PLCXD3: variants seen among roughly 807,000 people sequenced by gnomAD.
PLCXD3 encodes phosphatidylinositol specific phospholipase C X domain containing 3.
PLCXD3 carries 19 observed loss-of-function variants against 25.5 expected under a neutral mutation model. That is an observed-to-expected ratio of 0.75 (90% CI 0.52 to 1.09). The LOEUF is 1.09. Among genes scored for constraint, PLCXD3 ranks in the 50% least tolerant of loss-of-function variants. The pLI is 0.00. For missense variants in PLCXD3, 411 were observed against 388.1 expected (o/e 1.06, Z -0.50); for synonymous variants, 174 against 137.6 (o/e 1.26, Z -1.85).
In PLCXD3 at chr5:41,313,397, G is replaced by T; in HGVS notation, c.*220C>A. 4.2e-6 allele frequency: 2 copies of T among 475,708 alleles called. No individual in the cohort carries two copies. Among genetic ancestry groups the T allele is most frequent in the Non-Finnish European group, 7.3e-6 (2 of 273,368 alleles). 29.5% of individuals were successfully genotyped at this position (475,708 alleles called of 1,614,324 possible). On this transcript the variant is annotated 3_prime_UTR_variant, in exon 3 of 3. Coordinates refer to ENST00000377801, the MANE Select transcript of PLCXD3 (RefSeq NM_001005473.3). ...TCTTTTTTTTTTATTCCTAACACTA[G>T]AAGTAGATTTTGCTCATCAAATGGG...
chr5:41,381,207 G>A (rs1745449925), intron 2 of PLCXD3, among the ~76,000 whole-genome samples: 1 of 152,080 alleles, frequency 6.6e-6, no homozygotes, highest in Non-Finnish European at 1.5e-5. Flanking sequence ...GGTAGAGAAA[G>A]GATATTGCAA....
At chr5:41,317,948 T>C (rs1264992792) in intron 2 of PLCXD3, among the ~76,000 whole-genome samples, 1 of 152,050 alleles carries the variant, frequency 6.6e-6, no homozygotes, top group Non-Finnish European at 1.5e-5. Context: ...AGGATGTTTA[T>C]TCAAAGAAAT....
At chr5:41,448,468 G>A (rs1400249828) in intron 1 of PLCXD3, among the ~76,000 whole-genome samples, 1 of 152,182 alleles carries the variant, frequency 6.6e-6, no homozygotes, top group African/African-American at 2.4e-5. Flanking sequence ...AAAATTGATA[G>A]AATTAGAGAG....
chr5:41,337,150 A>G (rs1231039378), intron 2 of PLCXD3, among the ~76,000 whole-genome samples: 1 of 152,134 alleles, frequency 6.6e-6, no homozygotes, highest in Non-Finnish European at 1.5e-5. Context: ...AATTGCATTT[A>G]TGCTTAGGCA....
chr5:41,475,683 G>A (rs1444526771), intron 1 of PLCXD3: 7 of 534,648 alleles, frequency 1.3e-5, no homozygotes, highest in South Asian at 4.2e-5. Context: ...TCTGCCACAA[G>A]TACTATTTGA....
At chr5:41,382,609 A>G (rs1745505928) in intron 1 of PLCXD3, 75 bp from the exon 2 acceptor site, 5 of 1,131,778 alleles carry the variant, frequency 4.4e-6, no homozygotes, top group Admixed American at 4.9e-5. Context: ...CTCTTGCAAT[A>G]TCCATACCTC....
chr5:41,454,177 G>A (rs1284390577), intron 1 of PLCXD3, among the ~76,000 whole-genome samples: 1 of 151,892 alleles, frequency 6.6e-6, no homozygotes, highest in Non-Finnish European at 1.5e-5. Context: ...TGGAAATAGG[G>A]TCTTTGCAGA....
chr5:41,314,161 A>G (rs1470721776), intron 2 of PLCXD3, among the ~76,000 whole-genome samples: 1 of 152,230 alleles, frequency 6.6e-6, no homozygotes, highest in Admixed American at 6.5e-5. Context: ...TTTATTATGA[A>G]CCCACTATTA....
intron 1 of PLCXD3, among the ~76,000 whole-genome samples, chr5:41,482,046 T>C (rs1219020966): frequency 6.6e-6 from 1 of 152,122 alleles, no homozygotes; most frequent in Non-Finnish European, 1.5e-5. Context: ...GATGTGAAAA[T>C]GAAAAGTGAA....
intron 2 of PLCXD3, among the ~76,000 whole-genome samples, chr5:41,317,154 T>C (rs1743324118): frequency 6.6e-6 from 1 of 152,128 alleles, no homozygotes; most frequent in South Asian, 2.1e-4. Context: ...GTTTAGGTGG[T>C]TCAAAATGGA....
At chr5:41,325,287 A>G (rs1743594895) in intron 2 of PLCXD3, among the ~76,000 whole-genome samples, 1 of 152,226 alleles carries the variant, frequency 6.6e-6, no homozygotes, top group Non-Finnish European at 1.5e-5. Flanking sequence ...ATATGATACC[A>G]GAGACAAAAC....
intron 1 of PLCXD3, among the ~76,000 whole-genome samples, chr5:41,418,158 A>G (rs892336567): frequency 7.9e-5 from 12 of 152,328 alleles, no homozygotes; most frequent in African/African-American, 2.9e-4. Flanking sequence ...AAGCCAATGC[A>G]GTGTGTGTGG....
intron 2 of PLCXD3, among the ~76,000 whole-genome samples, chr5:41,343,421 G>A (rs1054222161): frequency 6.6e-6 from 1 of 152,044 alleles, no homozygotes; most frequent in African/African-American, 2.4e-5. Flanking sequence ...CATATATTTG[G>A]TGAATATATT....
intron 1 of PLCXD3, among the ~76,000 whole-genome samples, chr5:41,412,216 A>G (rs1746568873): frequency 6.6e-6 from 1 of 152,158 alleles, no homozygotes; most frequent in Non-Finnish European, 1.5e-5. Context: ...AAAAAAATAT[A>G]TACCAAATGC....
At chr5:41,332,213 C>A (rs964975677) in intron 2 of PLCXD3, among the ~76,000 whole-genome samples, 1 of 152,012 alleles carries the variant, frequency 6.6e-6, no homozygotes, top group African/African-American at 2.4e-5. Context: ...GGGCTAATAA[C>A]CAGAATCTAC....
intron 1 of PLCXD3, among the ~76,000 whole-genome samples, chr5:41,471,614 G>A (rs1223874893): frequency 6.6e-6 from 1 of 152,102 alleles, no homozygotes. Context: ...ATGTTAATGA[G>A]CAATAAGAAA....
At chr5:41,456,456 A>T (rs1026573405) in intron 1 of PLCXD3, 1 of 617,714 alleles carries the variant, frequency 1.6e-6, no homozygotes. Context: ...TAAATTCAGG[A>T]TAGAAAAATA....
chr5:41,465,844 A>T (rs1419039928), intron 1 of PLCXD3, among the ~76,000 whole-genome samples: 1 of 152,126 alleles, frequency 6.6e-6, no homozygotes, highest in Non-Finnish European at 1.5e-5. Flanking sequence ...TACTAACCTC[A>T]AAAGACCTTT....
chr5:41,456,144 G>C (rs577423041), intron 1 of PLCXD3, among the ~76,000 whole-genome samples: 2 of 151,982 alleles, frequency 1.3e-5, no homozygotes, highest in African/African-American at 4.8e-5. Context: ...GAGATAGTCA[G>C]AGTAAGCATC....
Sources: gnomAD v4.1 joint callset for allele counts (sites outside exome capture counted in the v4.1 genomes callset) on GRCh38, gnomAD v4.1.1 for gene constraint, MANE v1.5 for transcripts, NCBI Gene and HGNC (gene_info 2026-07-23, HGNC 2026-07-21) for gene names.